The following NBEAL1 variants were observed in gnomAD, a reference collection of about 807,000 sequenced individuals.
NBEAL1 encodes the protein neurobeachin like 1.
A neutral mutation model predicts 351.3 loss-of-function variants in NBEAL1; 273 were observed. The ratio of observed to expected loss-of-function variants is 0.78; its 90% CI spans 0.70 to 0.86. NBEAL1 has a LOEUF of 0.86. Ranked by LOEUF, NBEAL1 falls within the 40% of genes least tolerant of loss-of-function variation. The probability of loss-of-function intolerance (pLI) is 0.00; values close to 1 mark genes in which losing one functional copy is unlikely to be tolerated. For synonymous variants in NBEAL1, 1,050 were observed against 1,086.4 expected, an observed-to-expected ratio of 0.97 and a Z score of 0.66; for missense variants, 2,961 against 3,201.3, an observed-to-expected ratio of 0.92 and a Z score of 1.81.
chr2:203,146,663 C>G (rs533022936), intron 33 of NBEAL1, among the ~76,000 whole-genome samples: 1 of 151,930 alleles, frequency 6.6e-6, no homozygotes, highest in Non-Finnish European at 1.5e-5. Flanking sequence ...TGTGGTGGTA[C>G]GCACCTGTAG....
chr2:203,043,176 G>A (rs2061170457), intron 3 of NBEAL1, among the ~76,000 whole-genome samples: 1 of 152,018 alleles, frequency 6.6e-6, no homozygotes. Context: ...GAGGTGAAGT[G>A]TTTAGATTTT....
At chr2:203,187,367 G>GTTTTT (rs71034225) in intron 44 of NBEAL1, among the ~76,000 whole-genome samples, 10 of 87,776 alleles carry the variant, frequency 1.1e-4, no homozygotes, top group Non-Finnish European at 1.5e-4. Flanking sequence ...TCTTGCAATG[G>GTTTTT]TTTTTTTTTT....
chr2:203,037,723 C>G (rs1391498180), intron 2 of NBEAL1, among the ~76,000 whole-genome samples: 1 of 148,880 alleles, frequency 6.7e-6, no homozygotes, highest in Non-Finnish European at 1.5e-5. Context: ...AATCCCAGCA[C>G]TTTGGGAGGC....
rs1271606863 is a variant in NBEAL1 at position 203,188,502 on chromosome 2, G to A, written c.6736G>A (p.Glu2246Lys). 6.3e-7 allele frequency: 1 copy of A among 1,589,900 alleles called. No homozygotes were observed. The highest frequency in any genetic ancestry group is 1.3e-5 in the African/African-American group (1 of 74,316). Residue 2246 changes from glutamate to lysine, a missense_variant, in exon 45 of 56, where the codon GAA becomes AAA. Glu to Lys is a moderately conservative substitution (Grantham distance 56). Transcript: ENST00000683969. ...ESEYVSAHLH[E>K]WIDLIFGYKQ... ...TGAATATGTTTCAGCTCATCTTCAT[G>A]AATGGATAGATCTGATCTTTGGCTA...
chr2:203,173,824 T>C (rs1296213046), intron 41 of NBEAL1, among the ~76,000 whole-genome samples: 3 of 152,108 alleles, frequency 2.0e-5, no homozygotes, highest in Non-Finnish European at 4.4e-5. Flanking sequence ...GGCTTTGACC[T>C]GAAAACTTTT....
intron 27 of NBEAL1, among the ~76,000 whole-genome samples, chr2:203,135,020 A>G (rs1368668107): frequency 2.0e-5 from 3 of 152,108 alleles, no homozygotes; most frequent in Non-Finnish European, 2.9e-5. Context: ...TACTAAAAAT[A>G]CAAAAATTAG....
intron 36 of NBEAL1, among the ~76,000 whole-genome samples, chr2:203,161,377 T>C (rs867998925): frequency 7.4e-5 from 11 of 148,598 alleles, no homozygotes; most frequent in Middle Eastern, 3.6e-3. Flanking sequence ...ACGCCTGTAG[T>C]CCCAGCAGTT....
At chr2:203,176,270 A>G (rs375456520) in intron 42 of NBEAL1, among the ~76,000 whole-genome samples, 1 of 144,176 alleles carries the variant, frequency 6.9e-6, no homozygotes, top group East Asian at 2.1e-4. Context: ...GTGGTGTGGT[A>G]TGGTGTGCCA....
At chr2:203,065,425 T>C (rs931760762) in intron 6 of NBEAL1, among the ~76,000 whole-genome samples, 5 of 152,094 alleles carry the variant, frequency 3.3e-5, no homozygotes, top group African/African-American at 1.2e-4. Context: ...GTGAGTACAA[T>C]GATTATGTCC....
chr2:203,175,426 G>C (rs926953541), intron 42 of NBEAL1, 139 bp downstream of exon 42: 5 of 815,328 alleles, frequency 6.1e-6, no homozygotes, highest in Non-Finnish European at 9.5e-6. Context: ...AAACTAGTTT[G>C]AGAATGAGTC....
At chr2:203,078,562 C>T (rs1286530704) in intron 8 of NBEAL1, among the ~76,000 whole-genome samples, 2 of 152,158 alleles carry the variant, frequency 1.3e-5, no homozygotes, top group East Asian at 3.9e-4. Flanking sequence ...GCGGGTCAAA[C>T]TGCTGGGCTC....
chr2:203,027,600 G>A (rs1394628669), intron 2 of NBEAL1, among the ~76,000 whole-genome samples: 1 of 152,214 alleles, frequency 6.6e-6, no homozygotes, highest in Non-Finnish European at 1.5e-5. Context: ...ATGCCACTGT[G>A]AGGTGAATTT....
At chr2:203,026,319 A>G (rs1447973945) in intron 2 of NBEAL1, among the ~76,000 whole-genome samples, 2 of 152,018 alleles carry the variant, frequency 1.3e-5, no homozygotes, top group Non-Finnish European at 2.9e-5. Flanking sequence ...TTCTCATATT[A>G]CCTGTTTGCA....
chr2:203,157,879 G>C (rs770547254), intron 36 of NBEAL1, 54 bp downstream of exon 36: 124 of 1,367,046 alleles, frequency 9.1e-5, no homozygotes, highest in South Asian at 5.4e-4. Context: ...TTGCAAAATC[G>C]TGGAAAAGAT....
chr2:203,193,491 GAAAT>G (rs2065153392), intron 46 of NBEAL1, among the ~76,000 whole-genome samples: 1 of 151,608 alleles, frequency 6.6e-6, no homozygotes, highest in South Asian at 2.1e-4. Context: ...AATATAGAAA[GAAAT>G]AAATTATAAT....
chr2:203,209,123 C>A, intron 52 of NBEAL1, 38 bp from the exon 53 acceptor site: 1 of 1,531,526 alleles, frequency 6.5e-7, no homozygotes, highest in Non-Finnish European at 8.9e-7. Flanking sequence ...TGTTCTTTTC[C>A]TTTGTCTTTT....
At chr2:203,159,255 A>G (rs1312790303) in intron 36 of NBEAL1, among the ~76,000 whole-genome samples, 3 of 152,068 alleles carry the variant, frequency 2.0e-5, no homozygotes, top group Non-Finnish European at 4.4e-5. Context: ...AATGCATACA[A>G]TACAGTGGGG....
At chr2:203,145,847 A>G (rs1284009651) in intron 33 of NBEAL1, among the ~76,000 whole-genome samples, 1 of 151,764 alleles carries the variant, frequency 6.6e-6, no homozygotes, top group Non-Finnish European at 1.5e-5. Flanking sequence ...GAATTAATCC[A>G]TATCCTTATA....
chr2:203,024,792 G>A (rs2060829163), intron 2 of NBEAL1, among the ~76,000 whole-genome samples: 1 of 151,924 alleles, frequency 6.6e-6, no homozygotes, highest in Non-Finnish European at 1.5e-5. Flanking sequence ...AACCTGGGGG[G>A]CGGAGACTGT....
Sources: allele counts gnomAD v4.1 joint callset (sites outside exome capture counted in the v4.1 genomes callset), GRCh38; gene constraint gnomAD v4.1.1; transcripts MANE v1.5; gene names NCBI Gene and HGNC (gene_info 2026-07-23, HGNC 2026-07-21).